ITPRIP: variants seen among roughly 807,000 people sequenced by gnomAD.
ITPRIP encodes inositol 1,4,5-trisphosphate receptor interacting protein.
In ITPRIP, 32 loss-of-function variants were observed where a neutral mutation model predicts 35.8. That is an observed-to-expected ratio of 0.89 (90% CI 0.68 to 1.20). ITPRIP has a LOEUF of 1.20. Ranked by LOEUF, ITPRIP falls within the 50% of genes most tolerant of loss-of-function variation. ITPRIP has a pLI of 0.00. For missense variants in ITPRIP, 653 were observed against 735.6 expected (o/e 0.89, Z 1.30); for synonymous variants, 358 against 324.0 (o/e 1.11, Z -1.13).
intron 1 of ITPRIP, among the ~76,000 whole-genome samples, 169 bp downstream of exon 1, chr10:104,338,077 G>C (rs1297405653): frequency 6.6e-6 from 1 of 152,198 alleles, no homozygotes; most frequent in South Asian, 2.1e-4. Flanking sequence ...GCGCTTTAAG[G>C]GAAGGGGGTC....
At position 104,324,512 on chromosome 10, in the gene ITPRIP, C is replaced by T. The variant is rs185015528; in HGVS notation, c.-13-8448G>A. Among the ~76,000 whole-genome samples the T allele has an allele frequency of 4.1e-3, 617 of 152,300 alleles. 6 individuals are homozygous for T. Among genetic ancestry groups the T allele is most frequent in the African/African-American group, 0.014 (586 of 41,558 alleles). ...GGCTTGCCGCACTTCCTTTTCTTCT[C>T]GGCGTCCTTGCAGCCCTGACCCCGT... is the stretch of plus-strand genomic sequence containing the variant. On this transcript the variant is annotated intron_variant, in intron 1 of 1. Coordinates refer to ENST00000337478, the MANE Select transcript of ITPRIP (RefSeq NM_001272013.2).
chr10:104,322,062 A>G (rs2013862911), intron 1 of ITPRIP, among the ~76,000 whole-genome samples: 1 of 152,100 alleles, frequency 6.6e-6, no homozygotes, highest in Non-Finnish European at 1.5e-5. Context: ...TGGGGCATAA[A>G]AGGCACGTGA....
intron 1 of ITPRIP, among the ~76,000 whole-genome samples, chr10:104,318,213 A>G (rs1302925967): frequency 6.6e-6 from 1 of 152,238 alleles, no homozygotes; most frequent in African/African-American, 2.4e-5. Context: ...TTTCTACATT[A>G]GAGAAACATC....
chr10:104,322,989 G>A (rs536006576), intron 1 of ITPRIP, among the ~76,000 whole-genome samples: 3 of 147,196 alleles, frequency 2.0e-5, no homozygotes, highest in South Asian at 4.2e-4. Flanking sequence ...GTACACAGTT[G>A]TTGGGGGGAA....
chr10:104,312,074 C>G lies in ITPRIP; in HGVS notation c.*2334G>C, dbSNP rs564412931. ...CAATAGGAAATCCACCCCCCTGTCCCCAACTCTGCCCTGGGAGCCTCACAG... is the reference window on the plus strand; with the variant it reads ...CAATAGGAAATCCACCCCCCTGTCCGCAACTCTGCCCTGGGAGCCTCACAG... On this transcript the variant is annotated 3_prime_UTR_variant, in exon 2 of 2. Transcript: ENST00000337478. 6.6e-6 allele frequency: 1 copy of G among 152,298 alleles called. No individual in the cohort carries two copies. The highest frequency in any genetic ancestry group is 2.1e-4 in the South Asian group (1 of 4,824). The allele number at this position is 152,298 out of a possible 1,614,324, so 9.4% of individuals were successfully genotyped here.
chr10:104,312,888 TC>T lies in ITPRIP; in HGVS notation c.*1519del. ...TGGAGGAACACGGTATATTCTTGAC[TC>T]CCTGGCCCCCTGCAAGGGTAACTGA... On this transcript the variant is annotated 3_prime_UTR_variant, in exon 2 of 2. Coordinates refer to ENST00000337478, the MANE Select transcript of ITPRIP (RefSeq NM_001272013.2). The T allele has an allele frequency of 1.0e-6, 1 of 985,298 alleles. No individual in the cohort carries two copies. Among genetic ancestry groups the T allele is most frequent in the Non-Finnish European group, 1.2e-6 (1 of 829,904 alleles). The allele number at this position is 985,298 out of a possible 1,614,324, so 61.0% of individuals were successfully genotyped here. A position where few individuals can be genotyped will look rare whatever the true frequency, so the allele number is the denominator to read the frequency against.
intron 1 of ITPRIP, 34 bp from the exon 2 acceptor site, chr10:104,316,098 T>C: frequency 6.7e-7 from 1 of 1,495,682 alleles, no homozygotes; most frequent in Non-Finnish European, 8.9e-7. Context: ...CACACCAAGC[T>C]TCCCTCAATG....
Position 104,313,553 on chromosome 10 carries a change from C to T in ITPRIP, c.*855G>A. On this transcript the variant is annotated 3_prime_UTR_variant, in exon 2 of 2. Transcript: ENST00000337478. Reference sequence around the variant, plus strand: ...TTCCACCTTTAGCATCTGTCCTCCCCCTACCACAATGATAGTCAGAAAGAC... The same window carrying T: ...TTCCACCTTTAGCATCTGTCCTCCCTCTACCACAATGATAGTCAGAAAGAC... 1.0e-6 allele frequency: 1 copy of T among 985,496 alleles called. No individual in the cohort carries two copies. Among genetic ancestry groups the T allele is most frequent in the Non-Finnish European group, 1.2e-6 (1 of 829,982 alleles). The allele number at this position is 985,496 out of a possible 1,614,324, so 61.0% of individuals were successfully genotyped here. A position where few individuals can be genotyped will look rare whatever the true frequency, so the allele number is the denominator to read the frequency against.
intron 1 of ITPRIP, among the ~76,000 whole-genome samples, chr10:104,319,937 C>CA (rs961159224): frequency 2.6e-5 from 4 of 152,064 alleles, no homozygotes; most frequent in African/African-American, 9.7e-5. Flanking sequence ...CTAGGAGTGA[C>CA]AAAACAGACT....
chr10:104,321,080 A>C (rs144431426), intron 1 of ITPRIP, among the ~76,000 whole-genome samples: 67 of 152,286 alleles, frequency 4.4e-4, no homozygotes, highest in Middle Eastern at 3.4e-3. Context: ...ATATGTGTGC[A>C]TGTTCTTGCA....
At chr10:104,316,559 C>T (rs540871542) in intron 1 of ITPRIP, among the ~76,000 whole-genome samples, 10 of 152,112 alleles carry the variant, frequency 6.6e-5, no homozygotes, top group African/African-American at 2.2e-4. Flanking sequence ...TGCTAGGTTG[C>T]TGAGGGAACA....
At chr10:104,319,383 C>T (rs370322413) in intron 1 of ITPRIP, among the ~76,000 whole-genome samples, 1 of 152,306 alleles carries the variant, frequency 6.6e-6, no homozygotes. Context: ...GGGGAGTAAA[C>T]ACACGCTCGA....
chr10:104,332,995 C>T lies in ITPRIP; in HGVS notation c.-14+5251G>A, dbSNP rs572688835. 1.1e-4 allele frequency among the ~76,000 whole-genome samples: 16 copies of T among 152,332 alleles called. 1 individual carries two copies. Among genetic ancestry groups the T allele is most frequent in the African/African-American group, 3.4e-4 (14 of 41,576 alleles). On this transcript the variant is annotated intron_variant, in intron 1 of 1. Coordinates refer to ENST00000337478, the MANE Select transcript of ITPRIP (RefSeq NM_001272013.2). ...GCATAACAGATACACAATGGCTGCT[C>T]GATCAATGAAGCCCCCGTAATAAGG... is the stretch of plus-strand genomic sequence containing the variant.
intron 1 of ITPRIP, among the ~76,000 whole-genome samples, chr10:104,324,810 T>C (rs925923397): frequency 6.6e-6 from 1 of 152,204 alleles, no homozygotes; most frequent in African/African-American, 2.4e-5. Context: ...ACACATTCTG[T>C]GCACCCAGAA....
chr10:104,320,231 A>C (rs895402735), intron 1 of ITPRIP, among the ~76,000 whole-genome samples: 1 of 151,024 alleles, frequency 6.6e-6, no homozygotes, highest in African/African-American at 2.5e-5. Flanking sequence ...GAGATGAACT[A>C]AGGGTCTGGC....
chr10:104,319,584 A>G (rs2013792913), intron 1 of ITPRIP, among the ~76,000 whole-genome samples: 1 of 152,014 alleles, frequency 6.6e-6, no homozygotes, highest in Admixed American at 6.5e-5. Flanking sequence ...CCCAGCTGTC[A>G]TTTGGCTCCC....
Position 104,325,046 on chromosome 10 carries a change from C to T in ITPRIP, c.-13-8982G>A, listed in dbSNP as rs370132936. Among the ~76,000 whole-genome samples, 22 of 152,248 alleles carry T rather than the reference C, an allele frequency of 1.4e-4. No homozygotes were observed. The East Asian group carries it at 2.5e-3, about 17-fold the overall frequency. On this transcript the variant is annotated intron_variant, in intron 1 of 1. Coordinates refer to ENST00000337478, the MANE Select transcript of ITPRIP (RefSeq NM_001272013.2). ...CAGCCTTGGCAACATGGCGAAGCCC[C>T]GTCTCTACCAAAAATATAAAAAAAC...
intron 1 of ITPRIP, among the ~76,000 whole-genome samples, chr10:104,334,728 A>C (rs892323167): frequency 1.3e-5 from 2 of 152,162 alleles, no homozygotes; most frequent in African/African-American, 2.4e-5. Flanking sequence ...CCGCAGAGGT[A>C]GACAAAGCCC....
intron 1 of ITPRIP, among the ~76,000 whole-genome samples, chr10:104,331,163 T>C (rs1328532723): frequency 6.6e-6 from 1 of 152,132 alleles, no homozygotes; most frequent in East Asian, 1.9e-4. Flanking sequence ...CAGGTAGGCA[T>C]GTGTTGGGGT....
Sources: gnomAD v4.1 joint callset for allele counts (sites outside exome capture counted in the v4.1 genomes callset) on GRCh38, gnomAD v4.1.1 for gene constraint, MANE v1.5 for transcripts, NCBI Gene and HGNC (gene_info 2026-07-23, HGNC 2026-07-21) for gene names.